Variants in ZNF862 observed in about 807,000 individuals in gnomAD.
ZNF862 encodes the protein zinc finger protein 862.
A neutral mutation model predicts 91.1 loss-of-function variants in ZNF862; 64 were observed. That is an observed-to-expected ratio of 0.70 (90% CI 0.57 to 0.87). ZNF862 has a LOEUF of 0.87. ZNF862 is among the 40% of genes least tolerant of loss of function. The pLI is 0.00. For synonymous variants in ZNF862, 631 were observed against 618.1 expected (o/e 1.02, Z -0.31); for missense variants, 1,459 against 1,528.0 (o/e 0.95, Z 0.75).
chr7:149,853,762 A>AC (rs756889260), intron 5 of ZNF862, among the ~76,000 whole-genome samples: 1 of 152,016 alleles, frequency 6.6e-6, no homozygotes, highest in Non-Finnish European at 1.5e-5. Flanking sequence ...ACATGGCGAG[A>AC]CCCCATCTCT....
intron 5 of ZNF862, among the ~76,000 whole-genome samples, chr7:149,854,677 C>T (rs952710942): frequency 6.6e-6 from 1 of 152,222 alleles, no homozygotes; most frequent in African/African-American, 2.4e-5. Context: ...TCTGAGCTCA[C>T]TTATGCTGTT....
rs754748251 is a variant in ZNF862, at chr7:149,861,928, GGACAGTCCT to G, written c.2772_2780del (p.Val925_Thr927del). On this transcript the variant is annotated inframe_deletion, in exon 7 of 8. Coordinates refer to ENST00000223210, the MANE Select transcript of ZNF862 (RefSeq NM_001099220.3). This position sits in a 1 kb window ranked among gnomAD's most constrained non-coding sequence, Gnocchi z 6.7. Reference sequence around the variant, plus strand: ...CAGCGGTTCCAGGCGGATAGGGAGAGGACAGTCCTGACGGGGATTGAGTACCTCCAGCAG... The same window carrying G: ...CAGCGGTTCCAGGCGGATAGGGAGAGGACGGGGATTGAGTACCTCCAGCAG... The G allele has an allele frequency of 6.2e-7, 1 of 1,613,794 alleles. No individual in the cohort carries two copies. Among genetic ancestry groups the G allele is most frequent in the Non-Finnish European group, 8.5e-7 (1 of 1,179,888 alleles).
chr7:149,850,588 A>C lies in ZNF862; in HGVS notation c.1117+250A>C. On this transcript the variant is annotated intron_variant, in intron 5 of 7. Transcript: ENST00000223210. The surrounding 1 kb of genome is among the most constrained non-coding windows in gnomAD (Gnocchi z 4.2). ...TGGAGTACCTACTATGTGCCAGATGAACACAGCTGATCCATGGTCTCTGCT... is the reference window on the plus strand; with the variant it reads ...TGGAGTACCTACTATGTGCCAGATGCACACAGCTGATCCATGGTCTCTGCT... 2 of 462,424 alleles carry C rather than the reference A, an allele frequency of 4.3e-6. No homozygotes were observed. Among genetic ancestry groups the C allele is most frequent in the Non-Finnish European group, 7.8e-6 (2 of 257,946 alleles). 28.6% of individuals were successfully genotyped at this position (462,424 alleles called of 1,614,324 possible). A position where few individuals can be genotyped will look rare whatever the true frequency, so the allele number is the denominator to read the frequency against.
At chr7:149,838,846 T>TCCTCCCCG (rs2128934601) in intron 1 of ZNF862, among the ~76,000 whole-genome samples, 1 of 152,330 alleles carries the variant, frequency 6.6e-6, no homozygotes, top group East Asian at 1.9e-4. Context: ...TGTCCGCGCA[T>TCCTCCCCG]CCTCCCCGAG....
At position 149,848,411 on chromosome 7, in the gene ZNF862, TGC is replaced by T. The variant is rs1801954180; in HGVS notation, c.919_920del (p.Ala307SerfsTer22). 2 of 1,559,062 alleles carry T rather than the reference TGC, an allele frequency of 1.3e-6. No individual in the cohort carries two copies. The highest frequency in any genetic ancestry group is 4.6e-5 in the East Asian group (2 of 43,584). ...SSDINILYND[A>X]VESCIQDPSA... Reference sequence around the variant, plus strand: ...CAGACATTAATATTTTATATAATGATGCAGTAGAATCCTGCATTCAGGTAATA... The same window carrying T: ...CAGACATTAATATTTTATATAATGATAGTAGAATCCTGCATTCAGGTAATA... On this transcript the variant is annotated frameshift_variant, in exon 4 of 8. Transcript: ENST00000223210. LOFTEE classifies it high-confidence loss of function.
chr7:149,846,121 TCTCG>T (rs1485962195), intron 2 of ZNF862, 26 bp from the exon 3 acceptor site: 1 of 1,537,294 alleles, frequency 6.5e-7, no homozygotes, highest in Admixed American at 1.7e-5. Flanking sequence ...TTTCTCTCTC[TCTCG>T]CTCTCTTTTT....
Position 149,861,323 on chromosome 7 carries a change from T to C in ZNF862, c.2163T>C (p.Pro721=), listed in dbSNP as rs891743099. 4.3e-6 allele frequency: 7 copies of C among 1,612,938 alleles called. No individual in the cohort carries two copies. Among genetic ancestry groups the C allele is most frequent in the Non-Finnish European group, 5.9e-6 (7 of 1,179,894 alleles). ...KFQEVIPQLL[P]VHCVAHRLHL... is the part of the protein sequence containing the mutation. ...AGGAGGTCATCCCGCAGCTGCTGCC[T>C]GTCCACTGCGTGGCCCACCGGCTGC... is the stretch of plus-strand genomic sequence containing the variant. Residue 721 remains proline (P), a synonymous_variant, in exon 7 of 8, where the codon CCT becomes CCC. Coordinates refer to ENST00000223210, the MANE Select transcript of ZNF862 (RefSeq NM_001099220.3). The surrounding 1 kb of genome is among the most constrained non-coding windows in gnomAD (Gnocchi z 6.7).
chr7:149,853,131 C>T (rs1802124652), intron 5 of ZNF862, among the ~76,000 whole-genome samples: 2 of 152,186 alleles, frequency 1.3e-5, no homozygotes, highest in Non-Finnish European at 2.9e-5. Flanking sequence ...CTATATTGCC[C>T]AGTCAGGACT....
Position 149,847,963 on chromosome 7 carries a change from C to T in ZNF862, c.470C>T (p.Thr157Met), listed in dbSNP as rs773953540. 13 of 1,609,728 alleles carry T rather than the reference C, an allele frequency of 8.1e-6. No individual in the cohort carries two copies. Among genetic ancestry groups the T allele is most frequent in the Admixed American group, 3.4e-5 (2 of 59,278 alleles). ...TGGCTGATCATGAATGAGGAGCAGA[C>T]GGCTCTGTTCTGCTCTGCTTGCCGA... ...FPWLIMNEEQ[T>M]ALFCSACREY... Residue 157 changes from threonine (T) to methionine (M), a missense_variant, in exon 4 of 8, where the codon ACG becomes ATG. Thr to Met is a moderately conservative substitution (Grantham distance 81). Coordinates refer to ENST00000223210, the MANE Select transcript of ZNF862 (RefSeq NM_001099220.3).
chr7:149,844,659 T>C lies in ZNF862; in HGVS notation c.59T>C (p.Leu20Ser). ...ACGTTTGATGACATCACTGTGTACT[T>C]ACTCCAGGAGGAATGGGTGCTGCTG... ...PVTFDDITVYLLQEEWVLLSQ... is the reference protein window; with the variant it reads ...PVTFDDITVYSLQEEWVLLSQ... Residue 20 changes from leucine to serine, a missense_variant, in exon 2 of 8, where the codon TTA becomes TCA. Coordinates refer to ENST00000223210, the MANE Select transcript of ZNF862 (RefSeq NM_001099220.3). The C allele has an allele frequency of 6.2e-7, 1 of 1,606,052 alleles. No individual in the cohort carries two copies. Among genetic ancestry groups the C allele is most frequent in the Non-Finnish European group, 8.5e-7 (1 of 1,176,170 alleles).
intron 5 of ZNF862, among the ~76,000 whole-genome samples, chr7:149,854,270 G>C (rs1802178508): frequency 6.6e-6 from 1 of 151,968 alleles, no homozygotes; most frequent in Non-Finnish European, 1.5e-5. Flanking sequence ...GCAATGCCTG[G>C]TACAAAACTC....
At chr7:149,841,464 C>T (rs79479930) in intron 1 of ZNF862, 203,784 of 978,154 alleles carry the variant, frequency 0.21, 22,100 homozygotes, top group Admixed American at 0.24. Context: ...ATAAAATTCT[C>T]ATGTTCATTT....
chr7:149,840,078 T>C (rs1801646832), intron 1 of ZNF862, among the ~76,000 whole-genome samples: 1 of 150,552 alleles, frequency 6.6e-6, no homozygotes, highest in African/African-American at 2.4e-5. Context: ...GAGACTACAG[T>C]GGGGCTGAGA....
chr7:149,848,575 T>TA, intron 4 of ZNF862, 143 bp downstream of exon 4: 1 of 659,680 alleles, frequency 1.5e-6, no homozygotes, highest in Non-Finnish European at 2.4e-6. Flanking sequence ...CCAACATGCT[T>TA]ATCATGGACT....
Position 149,862,250 on chromosome 7 carries a change from C to G in ZNF862, c.3090C>G (p.Val1030=). Residue 1030 remains valine (V), a synonymous_variant, in exon 7 of 8, where the codon GTC becomes GTG. Transcript: ENST00000223210. The part of the protein sequence containing the change: ...PLLSKLMAVV[V]CVPISTSCCE... ...TAAGCAAGCTCATGGCCGTGGTGGT[C>G]TGTGTGCCCATCTCCACCTCTTGCT... The G allele has an allele frequency of 1.2e-6, 2 of 1,613,794 alleles. No homozygotes were observed. The highest frequency in any genetic ancestry group is 1.7e-6 in the Non-Finnish European group (2 of 1,179,884).
At position 149,862,094 on chromosome 7, in the gene ZNF862, C is replaced by T; in HGVS notation, c.2934C>T (p.Cys978=). 6.2e-7 allele frequency: 1 copy of T among 1,613,662 alleles called. No individual in the cohort carries two copies. The highest frequency in any genetic ancestry group is 1.1e-5 in the South Asian group (1 of 91,084). ...TCAACCTGGCCAGGTATTTCGAGTGCTCCCTCCCAACAGGATACAGTGAGG... is the reference window on the plus strand; with the variant it reads ...TCAACCTGGCCAGGTATTTCGAGTGTTCCCTCCCAACAGGATACAGTGAGG... ...DILNLARYFE[C]SLPTGYSEEA... The change falls in exon 7 of 8, where the codon TGC becomes TGT. Residue 978 remains cysteine (C), a synonymous_variant. Transcript: ENST00000223210.
At position 149,855,733 on chromosome 7, in the gene ZNF862, C is replaced by T. The variant is rs777058719; in HGVS notation, c.1118-3689C>T. Among the ~76,000 whole-genome samples the T allele has an allele frequency of 1.3e-5, 2 of 152,314 alleles. No homozygotes were observed. Among genetic ancestry groups the T allele is most frequent in the Non-Finnish European group, 2.9e-5 (2 of 68,024 alleles). On this transcript the variant is annotated intron_variant, in intron 5 of 7. Coordinates refer to ENST00000223210, the MANE Select transcript of ZNF862 (RefSeq NM_001099220.3). This position sits in a 1 kb window ranked among gnomAD's most constrained non-coding sequence, Gnocchi z 4.1. ...GTATCACACTGGTAGCCAACCGTCA[C>T]GGGCAGGCCCCACAGACAACGCCAG...
At position 149,846,240 on chromosome 7, in the gene ZNF862, C is replaced by G; in HGVS notation, c.226C>G (p.Leu76Val). ...CAGCGTCCAGGGCCAGAGGAGCCTT[C>G]TGGAGCATCACCCAGGTGAGTGTGG... ...LGSVQGQRSL[L>V]EHHPGKKQMG... Residue 76 changes from leucine to valine, a missense_variant, in exon 3 of 8, where the codon CTG becomes GTG. Physicochemically the swap from Leu to Val is conservative, Grantham distance 32 (BLOSUM62 1). Transcript: ENST00000223210. 3 of 1,613,526 alleles carry G rather than the reference C, an allele frequency of 1.9e-6. No individual in the cohort carries two copies. Among genetic ancestry groups the G allele is most frequent in the Non-Finnish European group, 2.5e-6 (3 of 1,179,746 alleles).
At chr7:149,839,391 G>A (rs767081305) in intron 1 of ZNF862, among the ~76,000 whole-genome samples, 3 of 152,128 alleles carry the variant, frequency 2.0e-5, no homozygotes, top group Non-Finnish European at 4.4e-5. Flanking sequence ...GCACAGAGGA[G>A]AATTCTCTCA....
Sources: allele counts gnomAD v4.1 joint callset (sites outside exome capture counted in the v4.1 genomes callset), GRCh38; gene constraint gnomAD v4.1.1; non-coding constraint Gnocchi (gnomAD v3.1); transcripts MANE v1.5; gene names NCBI Gene and HGNC (gene_info 2026-07-23, HGNC 2026-07-21).